AFF3: variants seen among roughly 807,000 people sequenced by gnomAD.
AFF3 encodes the protein AF4/FMR2 family member 3.
In AFF3, 32 loss-of-function variants were observed where a neutral mutation model predicts 129.7. The ratio of observed to expected loss-of-function variants is 0.25; its 90% CI spans 0.19 to 0.33. The LOEUF (loss-of-function observed/expected upper bound fraction) is 0.33. Ranked by LOEUF, AFF3 falls within the 10% of genes least tolerant of loss-of-function variation. The probability of loss-of-function intolerance (pLI) is 1.00; values close to 1 mark genes in which losing one functional copy is unlikely to be tolerated. For synonymous variants in AFF3, 644 were observed against 635.4 expected (o/e 1.01, Z -0.20); for missense variants, 1,373 against 1,592.0 (o/e 0.86, Z 2.34).
chr2:99,561,081 T>C (rs895494992), intron 20 of AFF3, among the ~76,000 whole-genome samples: 9 of 152,230 alleles, frequency 5.9e-5, no homozygotes, highest in African/African-American at 2.2e-4. Flanking sequence ...TTGAGAGAGC[T>C]GAGGCAGTAT....
intron 10 of AFF3, among the ~76,000 whole-genome samples, chr2:99,729,396 A>C (rs2105016456): frequency 6.6e-6 from 1 of 152,288 alleles, no homozygotes; most frequent in African/African-American, 2.4e-5. Flanking sequence ...GTTCTGGCAA[A>C]TAGGAAGGAT....
At chr2:99,777,074 CAA>C (rs1683960976) in intron 8 of AFF3, among the ~76,000 whole-genome samples, 1 of 152,198 alleles carries the variant, frequency 6.6e-6, no homozygotes, top group Admixed American at 6.5e-5. Context: ...TGGCAAATTC[CAA>C]ATGAGGGACA....
intron 11 of AFF3, among the ~76,000 whole-genome samples, chr2:99,714,310 C>T (rs747413659): frequency 6.6e-6 from 1 of 152,154 alleles, no homozygotes; most frequent in Non-Finnish European, 1.5e-5. Flanking sequence ...CTGAATAAGC[C>T]ATGCCCCTTT....
chr2:99,939,859 TAGTTTTAA>T (rs1674863998), intron 7 of AFF3, among the ~76,000 whole-genome samples: 1 of 152,234 alleles, frequency 6.6e-6, no homozygotes, highest in South Asian at 2.1e-4. Context: ...TCCGCTGGGA[TAGTTTTAA>T]AGTTTTAAGA....
chr2:100,041,577 C>A (rs1294080658), intron 4 of AFF3, among the ~76,000 whole-genome samples: 1 of 152,078 alleles, frequency 6.6e-6, no homozygotes, highest in Non-Finnish European at 1.5e-5. Context: ...TCCAGGTTGG[C>A]CTAATGCTGA....
intron 7 of AFF3, among the ~76,000 whole-genome samples, chr2:99,944,305 T>C (rs1459516109): frequency 6.6e-6 from 1 of 152,242 alleles, no homozygotes; most frequent in Non-Finnish European, 1.5e-5. Context: ...TCAGATAACA[T>C]GTATTGACTT....
At chr2:99,704,773 C>T (rs1199688619) in intron 11 of AFF3, among the ~76,000 whole-genome samples, 3 of 152,188 alleles carry the variant, frequency 2.0e-5, no homozygotes, top group Non-Finnish European at 4.4e-5. Flanking sequence ...GAAGGTACCA[C>T]ATATAACACA....
intron 4 of AFF3, among the ~76,000 whole-genome samples, chr2:100,028,887 T>C (rs1353078325): frequency 1.3e-5 from 2 of 152,122 alleles, no homozygotes; most frequent in Non-Finnish European, 2.9e-5. Context: ...AGTAGAATTA[T>C]AATATGATTC....
At chr2:99,948,793 C>T (rs1444031162) in intron 7 of AFF3, among the ~76,000 whole-genome samples, 1 of 152,130 alleles carries the variant, frequency 6.6e-6, no homozygotes. Context: ...AAAAATCAGA[C>T]TAAAAACCCC....
chr2:99,889,650 G>A (rs1334069435), intron 7 of AFF3, among the ~76,000 whole-genome samples: 1 of 152,050 alleles, frequency 6.6e-6, no homozygotes, highest in East Asian at 1.9e-4. Context: ...CTCAACCCCG[G>A]AGCCCTGAAA....
chr2:99,564,718 A>G (rs1675805751), intron 20 of AFF3, among the ~76,000 whole-genome samples: 1 of 152,232 alleles, frequency 6.6e-6, no homozygotes, highest in South Asian at 2.1e-4. Context: ...ACATGGTGGA[A>G]AATGTCTAAG....
chr2:100,087,439 T>C (rs1272583401), intron 4 of AFF3, among the ~76,000 whole-genome samples: 4 of 152,092 alleles, frequency 2.6e-5, no homozygotes, highest in Non-Finnish European at 4.4e-5. Flanking sequence ...AAATGTGTCA[T>C]ATAAGAAATT....
rs76370238 is a variant in AFF3, at chr2:99,702,126, G to T, written c.1091+24951C>A. ...TGAAAATATATTTTTATTTCTCTGG[G>T]ATATATGCCCAAGAGTGCAACCGCT... On this transcript the variant is annotated intron_variant, in intron 11 of 24. Transcript: ENST00000672756. Among the ~76,000 whole-genome samples, 8 of 152,260 alleles carry T rather than the reference G, an allele frequency of 5.3e-5. No individual in the cohort carries two copies. In the East Asian group the frequency reaches 1.5e-3, roughly 29 times the overall value.
chr2:99,701,773 C>T (rs1218901581), intron 11 of AFF3, among the ~76,000 whole-genome samples: 2 of 152,212 alleles, frequency 1.3e-5, no homozygotes, highest in Non-Finnish European at 2.9e-5. Context: ...AGTATTTAAC[C>T]ACACCATCAC....
chr2:100,140,931 T>A (rs964488605), intron 1 of AFF3, among the ~76,000 whole-genome samples: 2 of 152,116 alleles, frequency 1.3e-5, no homozygotes, highest in African/African-American at 4.8e-5. Context: ...TTTCCCAAAC[T>A]CTTACCATGT....
chr2:100,004,803 C>T (rs6736239), intron 7 of AFF3, among the ~76,000 whole-genome samples: 40,458 of 151,630 alleles, frequency 0.27, 8,256 homozygotes, highest in African/African-American at 0.57. Flanking sequence ...CAAATTACAA[C>T]ATTTCTCCTA....
chr2:99,929,393 C>T (rs60844516), intron 7 of AFF3, among the ~76,000 whole-genome samples: 2,322 of 152,208 alleles, frequency 0.015, 73 homozygotes, highest in African/African-American at 0.053. Context: ...AGACTCATTA[C>T]GTTACTTAAT....
At chr2:99,833,931 T>C (rs1245556289) in intron 8 of AFF3, among the ~76,000 whole-genome samples, 2 of 152,182 alleles carry the variant, frequency 1.3e-5, no homozygotes, top group Non-Finnish European at 2.9e-5. Context: ...AATAAAACTC[T>C]CGGAGTAAGG....
intron 12 of AFF3, among the ~76,000 whole-genome samples, chr2:99,669,453 G>GCAAGACA (rs1352241592): frequency 5.0e-5 from 5 of 100,250 alleles, no homozygotes; most frequent in Non-Finnish European, 7.9e-5. Context: ...AATGAAAGAA[G>GCAAGACA]CAAGACACAA....
Sources: allele counts gnomAD v4.1 joint callset (sites outside exome capture counted in the v4.1 genomes callset), GRCh38; gene constraint gnomAD v4.1.1; transcripts MANE v1.5; gene names NCBI Gene and HGNC (gene_info 2026-07-23, HGNC 2026-07-21).